CSGALNACT1: variants seen among roughly 807,000 people sequenced by gnomAD.
CSGALNACT1 encodes the protein beta4GalNAcT-1.
CSGALNACT1 carries 52 observed loss-of-function variants against 51.0 expected under a neutral mutation model. That is an observed-to-expected ratio of 1.02 (90% confidence interval 0.82 to 1.29). The LOEUF (loss-of-function observed/expected upper bound fraction) is 1.29. Ranked by LOEUF, CSGALNACT1 falls within the 50% of genes most tolerant of loss-of-function variation. CSGALNACT1 has a pLI of 0.00. For missense variants in CSGALNACT1, 935 were observed against 679.2 expected (o/e 1.38, Z -4.19); for synonymous variants, 341 against 254.4 (o/e 1.34, Z -3.24).
chr8:19,440,042 A>C (rs949405708), intron 5 of CSGALNACT1, 111 bp from the exon 5 acceptor site: 2 of 861,096 alleles, frequency 2.3e-6, no homozygotes, highest in Non-Finnish European at 3.9e-6. Flanking sequence ...AACTAGGTAA[A>C]CTTCCAGGAG....
chr8:19,696,481 A>G (rs1449067464), intron 1 of CSGALNACT1, among the ~76,000 whole-genome samples: 1 of 152,208 alleles, frequency 6.6e-6, no homozygotes, highest in African/African-American at 2.4e-5. Context: ...ATGCAGATGT[A>G]CATAAAGGGA....
At chr8:19,430,627 G>A (rs979134350) in intron 6 of CSGALNACT1, among the ~76,000 whole-genome samples, 3 of 152,120 alleles carry the variant, frequency 2.0e-5, no homozygotes, top group Non-Finnish European at 4.4e-5. Flanking sequence ...TTTTGAAATT[G>A]AGAGTATGAG....
At chr8:19,614,162 C>A (rs2052678769) in intron 1 of CSGALNACT1, among the ~76,000 whole-genome samples, 1 of 152,106 alleles carries the variant, frequency 6.6e-6, no homozygotes, top group Admixed American at 6.6e-5. Context: ...TATTGATCAC[C>A]TATTATATGC....
At chr8:19,673,595 C>T (rs1281451621) in intron 1 of CSGALNACT1, among the ~76,000 whole-genome samples, 1 of 152,146 alleles carries the variant, frequency 6.6e-6, no homozygotes, top group South Asian at 2.1e-4. Context: ...CCATCGCTAT[C>T]CTGAGAAATG....
At chr8:19,441,549 A>C (rs2061334753) in intron 5 of CSGALNACT1, among the ~76,000 whole-genome samples, 3 of 152,214 alleles carry the variant, frequency 2.0e-5, no homozygotes, top group African/African-American at 4.8e-5. Context: ...CCTTCCTTAC[A>C]CCTTATACAA....
intron 8 of CSGALNACT1, among the ~76,000 whole-genome samples, chr8:19,413,710 T>A (rs954423734): frequency 6.6e-6 from 1 of 152,132 alleles, no homozygotes; most frequent in Non-Finnish European, 1.5e-5. Flanking sequence ...ATGCACACAC[T>A]GAACAGTATC....
At chr8:19,692,879 A>T (rs991221281) in intron 1 of CSGALNACT1, among the ~76,000 whole-genome samples, 2 of 152,204 alleles carry the variant, frequency 1.3e-5, no homozygotes, top group Non-Finnish European at 2.9e-5. Flanking sequence ...GTCACCTGGC[A>T]CAGGAAGGGC....
exon 9 of CSGALNACT1, chr8:19,408,688 T>C (rs745868749): frequency 6.2e-7 from 1 of 1,613,902 alleles, no homozygotes; most frequent in Non-Finnish European, 8.5e-7. Flanking sequence ...GTTTCCTTCT[T>C]TATGACCTGC....
rs2061052940 is a variant in CSGALNACT1 at position 19,687,657 on chromosome 8, T to C, written c.-297+70193A>G. Among the ~76,000 whole-genome samples the C allele has an allele frequency of 3.9e-5, 6 of 152,246 alleles. No homozygotes were observed. The South Asian group carries it at 1.2e-3, about 31-fold the overall frequency. Reference sequence around the variant, plus strand: ...TCACATGTCAGAGAAAATTTGGCTTTTAAAGACATGCAGTTCCAGAAATGA... The same window carrying C: ...TCACATGTCAGAGAAAATTTGGCTTCTAAAGACATGCAGTTCCAGAAATGA... On this transcript the variant is annotated intron_variant, in intron 1 of 1. Transcript: ENST00000517494.
At chr8:19,609,652 G>C (rs376973996) in intron 1 of CSGALNACT1, among the ~76,000 whole-genome samples, 20 of 152,024 alleles carry the variant, frequency 1.3e-4, no homozygotes, top group African/African-American at 4.8e-4. Flanking sequence ...CTGGGGATGG[G>C]GGTTGGGGGG....
chr8:19,485,759 CTTTTTTTTTTT>C lies in CSGALNACT1; in HGVS notation c.634+19431_634+19441del, dbSNP rs386412239. Among the ~76,000 whole-genome samples the C allele has an allele frequency of 2.1e-4, 8 of 38,520 alleles. No individual in the cohort carries two copies. In the East Asian group the frequency reaches 5.3e-3, roughly 26 times the overall value. The allele number at this position is 38,520 out of a possible 152,430, so 25.3% of individuals were successfully genotyped here. On this transcript the variant is annotated intron_variant, in intron 4 of 9. Coordinates refer to ENST00000454498, the Ensembl canonical transcript of CSGALNACT1. ...AAAGTCTCACTGCCACCTCAGCTTG[CTTTTTTTTTTT>C]TTTTTTTTTTTTTTTGACAGAGTTT...
chr8:19,690,627 A>G (rs941450515), intron 1 of CSGALNACT1, among the ~76,000 whole-genome samples: 2 of 152,236 alleles, frequency 1.3e-5, no homozygotes, highest in Admixed American at 1.3e-4. Context: ...TTGCTTGATC[A>G]TAATAGAGCT....
intron 1 of CSGALNACT1, among the ~76,000 whole-genome samples, chr8:19,733,111 C>A (rs2063777411): frequency 6.6e-6 from 1 of 152,252 alleles, no homozygotes; most frequent in Admixed American, 6.5e-5. Flanking sequence ...AAGAGTAGAA[C>A]TTCTGGACAG....
rs1434984970 is a variant in CSGALNACT1, at chr8:19,577,316, G to A, written c.-297+13844C>T. 4.6e-5 allele frequency among the ~76,000 whole-genome samples: 7 copies of A among 151,608 alleles called. No homozygotes were observed. In the South Asian group the frequency reaches 8.3e-4, roughly 18 times the overall value. ...AGTGGCTCAGGCCTGTAATCCCAGC[G>A]CTTTGGGAGGTCAAGGCAGGGGGAC... On this transcript the variant is annotated intron_variant, in intron 3 of 9. Coordinates refer to ENST00000454498, the Ensembl canonical transcript of CSGALNACT1.
At chr8:19,574,586 C>T (rs956086781) in intron 3 of CSGALNACT1, among the ~76,000 whole-genome samples, 6 of 152,118 alleles carry the variant, frequency 3.9e-5, no homozygotes, top group African/African-American at 1.4e-4. Context: ...GCACTAAAGC[C>T]ACAGCCAGCC....
Position 19,539,869 on chromosome 8 carries a change from G to A in CSGALNACT1, c.-296-33739C>T, listed in dbSNP as rs10109345. On this transcript the variant is annotated intron_variant, in intron 3 of 9. Transcript: ENST00000454498. ...ATGGGCAGTGACATGGCCTTGGAGG[G>A]AGGGGGACAGGAGGGGAGATACCTA... 6.0e-3 allele frequency among the ~76,000 whole-genome samples: 917 copies of A among 152,310 alleles called. 10 individuals carry two copies. The highest frequency in any genetic ancestry group is 0.021 in the African/African-American group (868 of 41,570).
chr8:19,483,743 G>A (rs1309942937), intron 4 of CSGALNACT1, among the ~76,000 whole-genome samples: 1 of 152,088 alleles, frequency 6.6e-6, no homozygotes, highest in Non-Finnish European at 1.5e-5. Flanking sequence ...GGGCCAGCTG[G>A]GAAACTCTCA....
intron 3 of CSGALNACT1, among the ~76,000 whole-genome samples, chr8:19,571,452 C>T (rs570854729): frequency 6.7e-6 from 1 of 150,326 alleles, no homozygotes; most frequent in South Asian, 2.1e-4. Flanking sequence ...GAGTAGCCCC[C>T]CACCAAAACA....
At chr8:19,620,828 C>T (rs2053728822) in intron 1 of CSGALNACT1, among the ~76,000 whole-genome samples, 2 of 152,186 alleles carry the variant, frequency 1.3e-5, no homozygotes, top group Admixed American at 1.3e-4. Flanking sequence ...TGGTATGTAG[C>T]CACGGACTGA....
Sources: gnomAD v4.1 joint callset for allele counts (sites outside exome capture counted in the v4.1 genomes callset) on GRCh38, gnomAD v4.1.1 for gene constraint, MANE v1.5 for transcripts, NCBI Gene and HGNC (gene_info 2026-07-23, HGNC 2026-07-21) for gene names.